Variants in TNNT3 observed in about 807,000 individuals in gnomAD.
The protein encoded by TNNT3 is troponin T, fast skeletal muscle.
TNNT3 carries 36 observed loss-of-function variants against 54.2 expected under a neutral mutation model. The observed-to-expected ratio is 0.66, with a 90% CI of 0.51 to 0.88. The LOEUF (loss-of-function observed/expected upper bound fraction) is 0.88, where lower values mean the gene tolerates loss of function less well. TNNT3 is among the 40% of genes least tolerant of loss of function. The probability of loss-of-function intolerance (pLI) is 0.00; values close to 1 mark genes in which losing one functional copy is unlikely to be tolerated. For synonymous variants in TNNT3, 120 were observed against 109.7 expected, an observed-to-expected ratio of 1.09 and a Z score of -0.59; for missense variants, 291 against 331.6, an observed-to-expected ratio of 0.88 and a Z score of 0.95.
chr11:1,925,193 C>G, intron 5 of TNNT3, 77 bp downstream of exon 5: 1 of 1,601,792 alleles, frequency 6.2e-7, no homozygotes, highest in Non-Finnish European at 8.5e-7. Flanking sequence ...ACCTCCACCC[C>G]GCCTCTAAGG....
At chr11:1,936,225 C>T in intron 14 of TNNT3, 1 of 1,613,880 alleles carries the variant, frequency 6.2e-7, no homozygotes, top group East Asian at 2.2e-5. Flanking sequence ...TCATGAATGT[C>T]CGGGCCAGAG....
At chr11:1,925,939 A>G (rs1449837880) in intron 5 of TNNT3, among the ~76,000 whole-genome samples, 1 of 152,080 alleles carries the variant, frequency 6.6e-6, no homozygotes, top group Non-Finnish European at 1.5e-5. Context: ...CAGGGAAAGA[A>G]CGAGTGGGCC....
intron 11 of TNNT3, 103 bp downstream of exon 11, chr11:1,934,111 T>C: frequency 3.0e-6 from 4 of 1,336,742 alleles, no homozygotes; most frequent in Non-Finnish European, 4.2e-6. Context: ...CCCATTGTCA[T>C]TGGCCAATGA....
At chr11:1,919,940 C>A (rs1282218720) in intron 1 of TNNT3, among the ~76,000 whole-genome samples, 178 bp downstream of exon 1, 2 of 152,194 alleles carry the variant, frequency 1.3e-5, no homozygotes, top group Admixed American at 6.5e-5. Context: ...GCTGCTCCAG[C>A]GTCCGGAGAG....
chr11:1,923,550 T>A lies in TNNT3; in HGVS notation c.32-5T>A, dbSNP rs1004893327. On this transcript the variant is annotated splice_region_variant and splice_polypyrimidine_tract_variant and intron_variant, in intron 3 of 15. Coordinates refer to ENST00000278317, the MANE Select transcript of TNNT3 (RefSeq NM_006757.4). ...GGTTCCCCTCTTTGTTCTGTCCCAA[T>A]GCAGAGCAGTACGAAGAAGAAGGTA... 6.2e-7 allele frequency: 1 copy of A among 1,613,846 alleles called. No individual in the cohort carries two copies. Among genetic ancestry groups the A allele is most frequent in the African/African-American group, 1.3e-5 (1 of 74,880 alleles).
At position 1,925,300 on chromosome 11, in the gene TNNT3, T is replaced by G. The variant is rs73413020; in HGVS notation, c.67+184T>G. ...AGGTATGAGGACACAGGACTTCTTGTCCCCATGTGGGGCCCGGGGCCTGGC... is the reference window on the plus strand; with the variant it reads ...AGGTATGAGGACACAGGACTTCTTGGCCCCATGTGGGGCCCGGGGCCTGGC... On this transcript the variant is annotated intron_variant, in intron 5 of 15. Transcript: ENST00000278317. 5,455 of 1,587,640 alleles carry G rather than the reference T, an allele frequency of 3.4e-3. 131 individuals are homozygous for G. The African/African-American group carries it at 0.056, about 16-fold the overall frequency.
chr11:1,928,439 C>G (rs900766351), intron 6 of TNNT3, among the ~76,000 whole-genome samples: 1 of 152,202 alleles, frequency 6.6e-6, no homozygotes. Flanking sequence ...GGGGCCCAGT[C>G]TCAGGACAGC....
intron 2 of TNNT3, 25 bp downstream of exon 2, chr11:1,922,916 C>T: frequency 6.2e-7 from 1 of 1,613,804 alleles, no homozygotes; most frequent in Non-Finnish European, 8.5e-7. Context: ...GGTGGCTGCC[C>T]CCTGCCTGGC....
rs150141588 is a variant in TNNT3, at chr11:1,930,606, C to T, written c.125+778C>T. Among the ~76,000 whole-genome samples, 8 of 152,298 alleles carry T rather than the reference C, an allele frequency of 5.3e-5. No individual in the cohort carries two copies. In the East Asian group the frequency reaches 1.4e-3, roughly 26 times the overall value. The stretch of plus-strand genomic sequence containing the variant: ...CTACGTGATTCACCCTTTTATCTCT[C>T]GAGTGCTCTTGCCTGTGTGTTGCTC... On this transcript the variant is annotated intron_variant, in intron 8 of 15. Coordinates refer to ENST00000278317, the MANE Select transcript of TNNT3 (RefSeq NM_006757.4).
chr11:1,923,176 C>T (rs1850538202), intron 3 of TNNT3, 115 bp downstream of exon 3: 1 of 1,446,790 alleles, frequency 6.9e-7, no homozygotes, highest in Non-Finnish European at 9.7e-7. Flanking sequence ...ACATCAGCTG[C>T]ATCCCATGGG....
intron 3 of TNNT3, 145 bp downstream of exon 3, chr11:1,923,206 G>C: frequency 8.4e-7 from 1 of 1,189,966 alleles, no homozygotes; most frequent in Non-Finnish European, 1.2e-6. Flanking sequence ...AGTGACCCCC[G>C]GAAAACAGCT....
chr11:1,938,120 A>T, intron 15 of TNNT3: 1 of 407,144 alleles, frequency 2.5e-6, no homozygotes, highest in Non-Finnish European at 4.7e-6. Context: ...GTCTAGGATT[A>T]TATCATTATC....
intron 8 of TNNT3, among the ~76,000 whole-genome samples, chr11:1,931,887 A>T (rs948946013): frequency 3.2e-4 from 49 of 151,888 alleles, no homozygotes; most frequent in African/African-American, 9.7e-4. Context: ...GTTGGAAAAA[A>T]TTGTTGTTGT....
chr11:1,937,032 A>G (rs760808438), intron 15 of TNNT3, 29 bp downstream of exon 15: 3 of 1,574,016 alleles, frequency 1.9e-6, no homozygotes, highest in South Asian at 1.2e-5. Context: ...CTCGCTCCGC[A>G]CTGGGCACAG....
rs774545157 is a variant in TNNT3 at position 1,932,460 on chromosome 11, C to T, written c.126-9C>T. On this transcript the variant is annotated splice_polypyrimidine_tract_variant and intron_variant, in intron 8 of 15. Transcript: ENST00000278317. ...TCTCTGCTCACGGGCCTCTCTGTCT[C>T]CTCTTCAGACTCACTGCTCCTAAGA... 2 of 1,613,670 alleles carry T rather than the reference C, an allele frequency of 1.2e-6. No individual in the cohort carries two copies. Among genetic ancestry groups the T allele is most frequent in the Non-Finnish European group, 1.7e-6 (2 of 1,179,958 alleles).
At chr11:1,935,935 C>T (rs1854891176) in intron 14 of TNNT3, among the ~76,000 whole-genome samples, 1 of 152,192 alleles carries the variant, frequency 6.6e-6, no homozygotes, top group South Asian at 2.1e-4. Flanking sequence ...AGAGCTGTCC[C>T]CAGGGGGTCC....
intron 4 of TNNT3, among the ~76,000 whole-genome samples, chr11:1,924,347 C>T (rs138373817): frequency 1.3e-5 from 2 of 152,300 alleles, no homozygotes; most frequent in Non-Finnish European, 2.9e-5. Flanking sequence ...ACCTGGGAAC[C>T]GTGTGGGGTG....
chr11:1,931,763 G>C (rs1175830875), intron 8 of TNNT3, among the ~76,000 whole-genome samples: 1 of 142,176 alleles, frequency 7.0e-6, no homozygotes, highest in Non-Finnish European at 1.5e-5. Flanking sequence ...TCATTTGCGT[G>C]GTGTCATCTG....
rs76471485 is a variant in TNNT3, at chr11:1,934,323, T to A, written c.367-9T>A. On this transcript the variant is annotated splice_polypyrimidine_tract_variant and intron_variant, in intron 11 of 15. Coordinates refer to ENST00000278317, the MANE Select transcript of TNNT3 (RefSeq NM_006757.4). ...ATCCCTGAGCATCTTGGGAATGGGGTCTCCACAGGAGGAAAAGGCCAGAAG... is the reference window on the plus strand; with the variant it reads ...ATCCCTGAGCATCTTGGGAATGGGGACTCCACAGGAGGAAAAGGCCAGAAG... The A allele has an allele frequency of 1.2e-6, 2 of 1,610,538 alleles. No homozygotes were observed. Among genetic ancestry groups the A allele is most frequent in the Non-Finnish European group, 1.7e-6 (2 of 1,177,418 alleles).
Sources: allele counts gnomAD v4.1 joint callset (sites outside exome capture counted in the v4.1 genomes callset), GRCh38; gene constraint gnomAD v4.1.1; transcripts MANE v1.5; gene names NCBI Gene and HGNC (gene_info 2026-07-23, HGNC 2026-07-21).